Variants in GPR26 observed in about 807,000 individuals in gnomAD.
GPR26 encodes G protein-coupled receptor 26.
GPR26 carries 15 observed loss-of-function variants against 23.1 expected under a neutral mutation model. That is an observed-to-expected ratio of 0.65 (90% CI 0.43 to 1.00). The LOEUF (loss-of-function observed/expected upper bound fraction) is 1.00. Among genes scored for constraint, GPR26 ranks in the 50% least tolerant of loss-of-function variants. The probability of loss-of-function intolerance (pLI) is 0.00; values close to 1 mark genes in which losing one functional copy is unlikely to be tolerated. For missense variants in GPR26, 359 were observed against 470.5 expected (o/e 0.76, Z 2.19); for synonymous variants, 228 against 222.1 (o/e 1.03, Z -0.24).
chr10:123,669,924 G>A (rs752929896), intron 1 of GPR26, among the ~76,000 whole-genome samples: 1 of 152,204 alleles, frequency 6.6e-6, no homozygotes, highest in Admixed American at 6.5e-5. Context: ...CCATCTGAAT[G>A]AGCAGCATTC....
At chr10:123,675,379 C>T (rs569961688) in intron 2 of GPR26, among the ~76,000 whole-genome samples, 3 of 152,302 alleles carry the variant, frequency 2.0e-5, no homozygotes, top group Admixed American at 1.3e-4. Flanking sequence ...AAGTCACCTG[C>T]CACCTGCACA....
rs1376957765 is a variant in GPR26, at chr10:123,666,823, C to T, written c.416C>T (p.Ala139Val). ...YTWLHALTFPAAALALSWLGF... is the reference protein window; with the variant it reads ...YTWLHALTFPVAALALSWLGF... Reference sequence around the variant, plus strand: ...TGGCTGCACGCGCTCACCTTCCCAGCCGCCGCGCTCGCCCTGTCCTGGCTC... The same window carrying T: ...TGGCTGCACGCGCTCACCTTCCCAGTCGCCGCGCTCGCCCTGTCCTGGCTC... The change falls in exon 1 of 3, where the codon GCC becomes GTC. Residue 139 changes from alanine to valine, a missense_variant. By Grantham distance (64) the Ala-to-Val change is moderately conservative (BLOSUM62 0). Coordinates refer to ENST00000284674, the MANE Select transcript of GPR26 (RefSeq NM_153442.4). 4.4e-6 allele frequency: 7 copies of T among 1,608,932 alleles called. No homozygotes were observed. In the South Asian group the frequency reaches 7.7e-5, roughly 18 times the overall value.
At position 123,674,603 on chromosome 10, in the gene GPR26, C is replaced by T. The variant is rs192169191; in HGVS notation, c.669-215C>T. 4.4e-4 allele frequency among the ~76,000 whole-genome samples: 67 copies of T among 152,202 alleles called. No individual in the cohort carries two copies. Among genetic ancestry groups the T allele is most frequent in the South Asian group, 1.2e-3 (6 of 4,806 alleles). On this transcript the variant is annotated intron_variant, in intron 1 of 2. Coordinates refer to ENST00000284674, the MANE Select transcript of GPR26 (RefSeq NM_153442.4). This position sits in a 1 kb window ranked among gnomAD's most constrained non-coding sequence, Gnocchi z 4.1. Reference sequence around the variant, plus strand: ...GTGTAATACACTAAAATATATGATGCATATTATTATTTTACACAGGAGGAC... The same window carrying T: ...GTGTAATACACTAAAATATATGATGTATATTATTATTTTACACAGGAGGAC...
chr10:123,677,588 C>A (rs530272472), intron 2 of GPR26, among the ~76,000 whole-genome samples: 62 of 152,354 alleles, frequency 4.1e-4, no homozygotes, highest in African/African-American at 1.5e-3. Flanking sequence ...CCAGCGGAGG[C>A]ATGGGTTGGT....
At chr10:123,685,355 CTCA>C (rs1845420171) in intron 2 of GPR26, among the ~76,000 whole-genome samples, 1 of 152,210 alleles carries the variant, frequency 6.6e-6, no homozygotes, top group Non-Finnish European at 1.5e-5. Flanking sequence ...CTTGCCTCTT[CTCA>C]TCAACGAAAG....
intron 2 of GPR26, among the ~76,000 whole-genome samples, chr10:123,685,537 A>G (rs1258806247): frequency 6.6e-6 from 1 of 152,246 alleles, no homozygotes; most frequent in Non-Finnish European, 1.5e-5. Flanking sequence ...AGCAGTGTCC[A>G]GGCCTGTATT....
Position 123,669,812 on chromosome 10 carries a change from G to A in GPR26, c.668+2737G>A, listed in dbSNP as rs539258032. On this transcript the variant is annotated intron_variant, in intron 1 of 2. Coordinates refer to ENST00000284674, the MANE Select transcript of GPR26 (RefSeq NM_153442.4). ...CTTCTTAATTCAATCTGGGACCCTG[G>A]CCCTGGGAAGCATTCCGCACTCCTG... Among the ~76,000 whole-genome samples the A allele has an allele frequency of 1.7e-4, 26 of 152,282 alleles. 1 individual carries two copies. The highest frequency in any genetic ancestry group is 1.7e-3 in the South Asian group (8 of 4,820).
rs989020806 is a variant in GPR26, at chr10:123,685,418, C to T, written c.783-2511C>T. On this transcript the variant is annotated intron_variant, in intron 2 of 2. Transcript: ENST00000284674. ...GTGGAGCATAGCCAGCAGCCAGCCA[C>T]GGCAGGCGCAGGGAACCACCTGCAT... 9.2e-5 allele frequency among the ~76,000 whole-genome samples: 14 copies of T among 152,196 alleles called. 1 individual carries two copies. The highest frequency in any genetic ancestry group is 4.1e-4 in the South Asian group (2 of 4,830).
chr10:123,672,100 C>A (rs1397911873), intron 1 of GPR26, among the ~76,000 whole-genome samples: 1 of 152,150 alleles, frequency 6.6e-6, no homozygotes, highest in African/African-American at 2.4e-5. Flanking sequence ...AGCAGGAGAG[C>A]CCCAGGCAGA....
At position 123,667,156 on chromosome 10, in the gene GPR26, C is replaced by G. The variant is rs113005085; in HGVS notation, c.668+81C>G. On this transcript the variant is annotated intron_variant, in intron 1 of 2. Coordinates refer to ENST00000284674, the MANE Select transcript of GPR26 (RefSeq NM_153442.4). The stretch of plus-strand genomic sequence containing the variant: ...TGGGAGGTCCCTAGCCCCAGGGGCT[C>G]TTTTCCACCGAGCCTCTGTTTCTTC... 4.9e-4 allele frequency: 511 copies of G among 1,044,066 alleles called. 1 individual carries two copies. The African/African-American group carries it at 6.8e-3, about 14-fold the overall frequency. 64.7% of individuals were successfully genotyped at this position (1,044,066 alleles called of 1,614,324 possible).
At chr10:123,673,312 C>T (rs919430186) in intron 1 of GPR26, among the ~76,000 whole-genome samples, 1 of 152,202 alleles carries the variant, frequency 6.6e-6, no homozygotes, top group Non-Finnish European at 1.5e-5. Flanking sequence ...AGTCTCCTGG[C>T]AGGCAGGGAA....
chr10:123,681,306 G>T (rs1845372724), intron 2 of GPR26, among the ~76,000 whole-genome samples: 1 of 152,158 alleles, frequency 6.6e-6, no homozygotes, highest in South Asian at 2.1e-4. Context: ...AGAAGCAAAG[G>T]TTCCTACTTT....
rs763044109 is a variant in GPR26, at chr10:123,682,368, G to T, written c.783-5561G>T. Among the ~76,000 whole-genome samples, 5 of 152,136 alleles carry T rather than the reference G, an allele frequency of 3.3e-5. No homozygotes were observed. In the South Asian group the frequency reaches 1.0e-3, roughly 32 times the overall value. On this transcript the variant is annotated intron_variant, in intron 2 of 2. Coordinates refer to ENST00000284674, the MANE Select transcript of GPR26 (RefSeq NM_153442.4). The stretch of plus-strand genomic sequence containing the variant: ...ATCCAACTCTACCAGCCAAAGAGCC[G>T]CCTGCACTTGTGTACTGGGGCACAC...
At chr10:123,686,827 A>G (rs1209163953) in intron 2 of GPR26, among the ~76,000 whole-genome samples, 1 of 152,142 alleles carries the variant, frequency 6.6e-6, no homozygotes, top group East Asian at 1.9e-4. Context: ...TTGCTGTGTG[A>G]TATCTGGCAA....
chr10:123,672,445 C>T lies in GPR26; in HGVS notation c.669-2373C>T, dbSNP rs1247549250. Among the ~76,000 whole-genome samples the T allele has an allele frequency of 2.0e-5, 3 of 152,132 alleles. No individual in the cohort carries two copies. In the East Asian group the frequency reaches 5.8e-4, roughly 29 times the overall value. On this transcript the variant is annotated intron_variant, in intron 1 of 2. Coordinates refer to ENST00000284674, the MANE Select transcript of GPR26 (RefSeq NM_153442.4). Reference sequence around the variant, plus strand: ...TTTGGGCTCCATGGCAGGCCCGGTGCCATTAAGGTTAGGAAATCATGTCCA... The same window carrying T: ...TTTGGGCTCCATGGCAGGCCCGGTGTCATTAAGGTTAGGAAATCATGTCCA...
intron 2 of GPR26, among the ~76,000 whole-genome samples, chr10:123,677,433 G>T (rs1845322662): frequency 6.6e-6 from 1 of 152,150 alleles, no homozygotes; most frequent in Admixed American, 6.5e-5. Context: ...GGGCCCCACT[G>T]CCACCACCCC....
chr10:123,687,949 C>A lies in GPR26; in HGVS notation c.803C>A (p.Thr268Lys). The change falls in exon 3 of 3, where the codon ACG becomes AAG. Residue 268 changes from threonine (T) to lysine (K), a missense_variant. By Grantham distance (78) the Thr-to-Lys change is moderately conservative. Transcript: ENST00000284674. The part of the protein sequence containing the change: ...VITRLVELFS[T>K]VPIGSHWGVL... ...CACAGGCTAGTGGAGCTCTTCTCCACGGTGCCCATCGGCTCCCACTGGGGG... is the reference window on the plus strand; with the variant it reads ...CACAGGCTAGTGGAGCTCTTCTCCAAGGTGCCCATCGGCTCCCACTGGGGG... 1 of 1,611,654 alleles carries A rather than the reference C, an allele frequency of 6.2e-7. No individual in the cohort carries two copies. Among genetic ancestry groups the A allele is most frequent in the Non-Finnish European group, 8.5e-7 (1 of 1,177,968 alleles).
chr10:123,680,596 G>A (rs879689656), intron 2 of GPR26, among the ~76,000 whole-genome samples: 3 of 152,170 alleles, frequency 2.0e-5, no homozygotes, highest in Non-Finnish European at 4.4e-5. Context: ...CCTCCTCACT[G>A]TCCATAGAAA....
rs1255556383 is a variant in GPR26, at chr10:123,697,067, A to G, written c.*8907A>G. Among the ~76,000 whole-genome samples, 1 of 152,246 alleles carries G rather than the reference A, an allele frequency of 6.6e-6. No individual in the cohort carries two copies. Among genetic ancestry groups the G allele is most frequent in the Non-Finnish European group, 1.5e-5 (1 of 68,038 alleles). On this transcript the variant is annotated 3_prime_UTR_variant, in exon 3 of 3. Coordinates refer to ENST00000284674, the MANE Select transcript of GPR26 (RefSeq NM_153442.4). ...AAAACAAATGAAGCAAAAGTTTAGC[A>G]TCCTCTCATGTGTGTCAACATTGTA...
Sources: gnomAD v4.1 joint callset for allele counts (sites outside exome capture counted in the v4.1 genomes callset) on GRCh38, gnomAD v4.1.1 for gene constraint, Gnocchi (gnomAD v3.1) non-coding constraint, MANE v1.5 for transcripts, NCBI Gene and HGNC (gene_info 2026-07-23, HGNC 2026-07-21) for gene names.